Variants in DNM2 observed in about 807,000 individuals in gnomAD.
DNM2 encodes the protein dynamin-2.
DNM2 carries 15 observed loss-of-function variants against 99.0 expected under a neutral mutation model. That is an observed-to-expected ratio of 0.15 (90% CI 0.10 to 0.23). DNM2 has a LOEUF of 0.23. DNM2 is among the 10% of genes least tolerant of loss of function. The pLI, the probability that DNM2 is intolerant of heterozygous loss-of-function variation, is 1.00. For missense variants in DNM2, 742 were observed against 1,189.4 expected (o/e 0.62, Z 5.53); for synonymous variants, 525 against 481.2 (o/e 1.09, Z -1.19).
rs2070006356 is a variant in DNM2 at position 10,746,886 on chromosome 19, ACCAC to A, written c.162-12850_162-12847del. 2.0e-5 allele frequency among the ~76,000 whole-genome samples: 3 copies of A among 150,816 alleles called. No individual in the cohort carries two copies. In the South Asian group the frequency reaches 6.3e-4, roughly 32 times the overall value. Reference sequence around the variant, plus strand: ...CGAGTAGCTGGGATTACAGGTGCCCACCACCACGCCTGGCTAATTTTTGTATTTT... The same window carrying A: ...CGAGTAGCTGGGATTACAGGTGCCCACACGCCTGGCTAATTTTTGTATTTT... On this transcript the variant is annotated intron_variant, in intron 1 of 20. Transcript: ENST00000389253.
chr19:10,737,863 C>T (rs545103317), intron 1 of DNM2, among the ~76,000 whole-genome samples: 50 of 152,278 alleles, frequency 3.3e-4, no homozygotes, highest in Middle Eastern at 6.8e-3. Flanking sequence ...CTGGCTGTAG[C>T]GCAGTCCCTT....
chr19:10,771,694 C>A (rs2070985628), intron 2 of DNM2, among the ~76,000 whole-genome samples: 1 of 152,208 alleles, frequency 6.6e-6, no homozygotes, highest in South Asian at 2.1e-4. Context: ...GGCTCTGCAG[C>A]ATCACCTTAA....
rs1250498910 is a variant in DNM2 at position 10,825,313 on chromosome 19, T to C, written c.2058+92T>C. ...ACTTTGGGAGGCCAAGGCGGGCGGA[T>C]CACTTGAGGTCAGGAGTTCAAGACC... is the stretch of plus-strand genomic sequence containing the variant. On this transcript the variant is annotated intron_variant, in intron 18 of 20. Coordinates refer to ENST00000389253, the MANE Select transcript of DNM2 (RefSeq NM_001005361.3). 10 of 1,554,520 alleles carry C rather than the reference T, an allele frequency of 6.4e-6. No homozygotes were observed. The East Asian group carries it at 2.1e-4, about 33-fold the overall frequency.
chr19:10,776,639 G>C (rs899996127), intron 4 of DNM2, among the ~76,000 whole-genome samples: 1 of 152,244 alleles, frequency 6.6e-6, no homozygotes, highest in Non-Finnish European at 1.5e-5. Flanking sequence ...CTTGACTCTG[G>C]AATGACTTGT....
intron 6 of DNM2, among the ~76,000 whole-genome samples, chr19:10,784,600 T>G (rs1049673785): frequency 6.6e-6 from 1 of 152,142 alleles, no homozygotes; most frequent in East Asian, 1.9e-4. Context: ...TTAAGTGCCC[T>G]AGTATCCTGT....
intron 7 of DNM2, among the ~76,000 whole-genome samples, chr19:10,791,412 C>A (rs934971582): frequency 6.6e-6 from 1 of 152,108 alleles, no homozygotes; most frequent in East Asian, 1.9e-4. Flanking sequence ...TATAAGGACA[C>A]CAGTTATATT....
intron 1 of DNM2, among the ~76,000 whole-genome samples, chr19:10,730,028 A>G (rs2069257134): frequency 1.3e-5 from 2 of 151,852 alleles, no homozygotes; most frequent in Non-Finnish European, 2.9e-5. Flanking sequence ...ACGCCCAACT[A>G]ATGTTTATAA....
intron 12 of DNM2, 184 bp downstream of exon 12, chr19:10,802,542 G>A: frequency 2.8e-6 from 2 of 706,568 alleles, no homozygotes; most frequent in East Asian, 5.5e-5. Flanking sequence ...GTGGTCCACT[G>A]TCCCCAACCA....
intron 1 of DNM2, among the ~76,000 whole-genome samples, chr19:10,723,172 TTGC>T (rs1381442029): frequency 6.6e-6 from 1 of 151,082 alleles, no homozygotes; most frequent in Non-Finnish European, 1.5e-5. Flanking sequence ...TTCATTCTTG[TTGC>T]CCAGGCTGGA....
chr19:10,807,539 CT>C lies in DNM2; in HGVS notation c.1546-1003del, dbSNP rs763788862. The stretch of plus-strand genomic sequence containing the variant: ...ACAAGCGTGAGCCATCACGTCCAGC[CT>C]TTTTTTTTTTTTTTTTTTTTTTTTT... On this transcript the variant is annotated intron_variant, in intron 13 of 20. Transcript: ENST00000389253. Among the ~76,000 whole-genome samples the C allele has an allele frequency of 4.5e-3, 412 of 91,216 alleles. 2 individuals are homozygous for C. The highest frequency in any genetic ancestry group is 0.013 in the African/African-American group (284 of 21,922). 59.8% of individuals were successfully genotyped at this position (91,216 alleles called of 152,430 possible).
chr19:10,825,476 C>G (rs2073112895), intron 18 of DNM2, among the ~76,000 whole-genome samples: 1 of 152,200 alleles, frequency 6.6e-6, no homozygotes. Flanking sequence ...CGAGACTAGA[C>G]TGACCAACAT....
intron 15 of DNM2, among the ~76,000 whole-genome samples, chr19:10,815,527 T>C (rs1187898712): frequency 6.6e-6 from 1 of 152,184 alleles, no homozygotes; most frequent in Non-Finnish European, 1.5e-5. Flanking sequence ...TCACTGCATG[T>C]GTCCCAGGTT....
At chr19:10,742,870 G>A (rs2069805886) in intron 1 of DNM2, among the ~76,000 whole-genome samples, 1 of 151,844 alleles carries the variant, frequency 6.6e-6, no homozygotes, top group Non-Finnish European at 1.5e-5. Context: ...TGTGTGCCTG[G>A]AGCTTTGTGC....
intron 12 of DNM2, among the ~76,000 whole-genome samples, chr19:10,804,401 G>A (rs905451067): frequency 2.6e-5 from 4 of 152,156 alleles, no homozygotes; most frequent in Admixed American, 2.0e-4. Flanking sequence ...TTATAAACAG[G>A]GCCCAAGCCT....
At chr19:10,780,031 C>T (rs1339800861) in intron 5 of DNM2, among the ~76,000 whole-genome samples, 1 of 152,162 alleles carries the variant, frequency 6.6e-6, no homozygotes, top group African/African-American at 2.4e-5. Flanking sequence ...CCTTTCCCTT[C>T]ATGCTTAGCC....
chr19:10,728,045 G>A (rs775354187), intron 1 of DNM2, among the ~76,000 whole-genome samples: 3 of 152,188 alleles, frequency 2.0e-5, no homozygotes, highest in African/African-American at 4.8e-5. Context: ...GCCTGCTTCC[G>A]GGTGCGTTTT....
At position 10,760,804 on chromosome 19, in the gene DNM2, G is replaced by GCACACACC. The variant is rs1386720330; in HGVS notation, c.235+994_235+1001dup. Among the ~76,000 whole-genome samples, 99 of 97,448 alleles carry GCACACACC rather than the reference G, an allele frequency of 1.0e-3. 1 individual carries two copies. Among genetic ancestry groups the GCACACACC allele is most frequent in the Non-Finnish European group, 1.6e-3 (81 of 49,492 alleles). The allele number at this position is 97,448 out of a possible 152,430, so 63.9% of individuals were successfully genotyped here. On this transcript the variant is annotated intron_variant, in intron 2 of 20. Transcript: ENST00000389253. ...CTCTCGGGTAGCTAGGATTACAGGT[G>GCACACACC]CACACACCACCACACCCAGCTGATT... is the stretch of plus-strand genomic sequence containing the variant.
At chr19:10,737,054 G>A (rs1276348445) in intron 1 of DNM2, among the ~76,000 whole-genome samples, 2 of 152,048 alleles carry the variant, frequency 1.3e-5, no homozygotes, top group Admixed American at 6.6e-5. Context: ...AGGCTGAGGT[G>A]GGAGGATTGC....
chr19:10,804,150 G>A (rs1273251478), intron 12 of DNM2, among the ~76,000 whole-genome samples: 1 of 152,120 alleles, frequency 6.6e-6, no homozygotes, highest in Non-Finnish European at 1.5e-5. Flanking sequence ...AAGACACCAG[G>A]ATGCTTCTGA....
Sources: gnomAD v4.1 joint callset for allele counts (sites outside exome capture counted in the v4.1 genomes callset) on GRCh38, gnomAD v4.1.1 for gene constraint, MANE v1.5 for transcripts, NCBI Gene and HGNC (gene_info 2026-07-23, HGNC 2026-07-21) for gene names.